The following FHAD1 variants were observed in gnomAD, a reference collection of about 807,000 sequenced individuals.
The protein encoded by FHAD1 is forkhead associated phosphopeptide binding domain 1, also known as forkhead-associated domain-containing protein 1.
A neutral mutation model predicts 191.3 loss-of-function variants in FHAD1; 146 were observed. The ratio of observed to expected loss-of-function variants is 0.76; its 90% CI spans 0.67 to 0.88. FHAD1 has a LOEUF of 0.88. Ranked by LOEUF, FHAD1 falls within the 40% of genes least tolerant of loss-of-function variation. The pLI is 0.00. For synonymous variants in FHAD1, 616 were observed against 672.3 expected, an observed-to-expected ratio of 0.92 and a Z score of 1.29; for missense variants, 1,635 against 1,785.8, an observed-to-expected ratio of 0.92 and a Z score of 1.52.
At chr1:15,309,616 T>A in intron 7 of FHAD1, among the ~76,000 whole-genome samples, 1 of 151,736 alleles carries the variant, frequency 6.6e-6, no homozygotes, top group East Asian at 1.9e-4. Context: ...CAGCTTTGAA[T>A]GAGGCTCGAC....
At chr1:15,269,843 G>T (rs1655128690) in intron 2 of FHAD1, among the ~76,000 whole-genome samples, 1 of 150,770 alleles carries the variant, frequency 6.6e-6, no homozygotes, top group Non-Finnish European at 1.5e-5. Context: ...GCACTCTGTT[G>T]TTAGGTGCAT....
intron 15 of FHAD1, among the ~76,000 whole-genome samples, chr1:15,341,185 A>AAAAAC (rs914869528): frequency 2.6e-5 from 4 of 152,186 alleles, no homozygotes; most frequent in African/African-American, 4.8e-5. Context: ...CCATCTCAAA[A>AAAAAC]AAAACAAAAC....
chr1:15,270,768 A>G (rs983370186), intron 2 of FHAD1, among the ~76,000 whole-genome samples: 10 of 152,044 alleles, frequency 6.6e-5, no homozygotes, highest in African/African-American at 2.4e-4. Flanking sequence ...TTGGCCGGGC[A>G]CGGTGGCTCA....
At chr1:15,260,600 G>C (rs534849850) in intron 2 of FHAD1, among the ~76,000 whole-genome samples, 1 of 152,300 alleles carries the variant, frequency 6.6e-6, no homozygotes, top group East Asian at 1.9e-4. Flanking sequence ...CGAGGCCTCT[G>C]TGTCCTCACT....
rs759035080 is a variant in FHAD1 at position 15,289,660 on chromosome 1, A to T, written c.562A>T (p.Lys188Ter). The T allele has an allele frequency of 6.5e-7, 1 of 1,547,844 alleles. No homozygotes were observed. The highest frequency in any genetic ancestry group is 2.5e-5 in the East Asian group (1 of 40,810). The change falls in exon 4 of 34, where the codon AAG becomes TAG. Residue 188 changes from lysine (K) to a stop codon, truncating the protein, a stop_gained. Coordinates refer to ENST00000688493, the MANE Select transcript of FHAD1 (RefSeq NM_001391957.1). LOFTEE classifies it high-confidence loss of function. This position sits in a 1 kb window ranked among gnomAD's most constrained non-coding sequence, Gnocchi z 4.2. ...VDDARKPPVIKQVWTNAMKLS... is the reference protein window; with the variant it reads ...VDDARKPPVI The stretch of plus-strand genomic sequence containing the variant: ...CGACGCCCGCAAGCCACCCGTCATC[A>T]AGCAAGGTATGCGTCAGGGCTGCCA...
chr1:15,320,224 G>A (rs1226224231), intron 10 of FHAD1, among the ~76,000 whole-genome samples: 2 of 152,132 alleles, frequency 1.3e-5, no homozygotes, highest in Non-Finnish European at 2.9e-5. Context: ...CATTTTCTGT[G>A]TAACTTCAAT....
chr1:15,270,153 T>C (rs1026359268), intron 2 of FHAD1, among the ~76,000 whole-genome samples: 8 of 152,060 alleles, frequency 5.3e-5, no homozygotes, highest in Non-Finnish European at 8.8e-5. Context: ...TCAGGGGATC[T>C]GCCCGCCCTG....
chr1:15,349,858 A>G (rs1033787567), intron 19 of FHAD1, among the ~76,000 whole-genome samples: 3 of 152,112 alleles, frequency 2.0e-5, no homozygotes, highest in African/African-American at 7.2e-5. Context: ...CCACCAACCT[A>G]GGGACCTGGC....
intron 32 of FHAD1, among the ~76,000 whole-genome samples, chr1:15,390,253 G>A (rs1054441581): frequency 1.3e-5 from 2 of 149,406 alleles, no homozygotes; most frequent in African/African-American, 4.9e-5. Flanking sequence ...GCTGAGGCAG[G>A]AGAATTGCTT....
chr1:15,381,772 G>A lies in FHAD1; in HGVS notation c.4023-256G>A, dbSNP rs181536416. On this transcript the variant is annotated intron_variant, in intron 30 of 33. Transcript: ENST00000688493. This position sits in a 1 kb window ranked among gnomAD's most constrained non-coding sequence, Gnocchi z 4.6. ...CAGCTCCGTCATATTTTCAAGAGTC[G>A]CAGTTCCCCACTCCCCAGGAAGTCA... Among the ~76,000 whole-genome samples the A allele has an allele frequency of 5.1e-4, 78 of 152,016 alleles. No individual in the cohort carries two copies. Among genetic ancestry groups the A allele is most frequent in the African/African-American group, 1.6e-3 (65 of 41,490 alleles).
chr1:15,352,976 C>G lies in FHAD1; in HGVS notation c.2554C>G (p.Gln852Glu). The change falls in exon 20 of 34, where the codon CAG becomes GAG. Residue 852 changes from glutamine to glutamate, a missense_variant. Transcript: ENST00000688493. ...AGACCTGGAGAATCGCTTAACCAAG[C>G]AGAAAGAGGTATGAGCCGCAGGGAG... ...VQDLENRLTKQKEELELKEQK... is the reference protein window; with the variant it reads ...VQDLENRLTKEKEELELKEQK... The G allele has an allele frequency of 6.4e-7, 1 of 1,550,456 alleles. No homozygotes were observed. The highest frequency in any genetic ancestry group is 8.7e-7 in the Non-Finnish European group (1 of 1,146,296).
chr1:15,360,960 G>A (rs770691268), intron 22 of FHAD1, among the ~76,000 whole-genome samples: 14 of 152,142 alleles, frequency 9.2e-5, no homozygotes, highest in African/African-American at 2.4e-4. Context: ...ACAGGCTACC[G>A]GGGCTGTCAG....
At chr1:15,309,690 G>T (rs933708933) in intron 7 of FHAD1, among the ~76,000 whole-genome samples, 65 of 150,150 alleles carry the variant, frequency 4.3e-4, no homozygotes, top group South Asian at 6.3e-4. Context: ...TTTTTTTTTA[G>T]CTCATCAGTT....
chr1:15,345,265 G>A (rs974819125), intron 17 of FHAD1, 75 bp downstream of exon 17: 20 of 1,407,826 alleles, frequency 1.4e-5, no homozygotes, highest in Middle Eastern at 1.8e-4. Context: ...GCTCTGGTCT[G>A]GGCCCGCCGG....
At chr1:15,337,946 C>T (rs1272548001) in intron 14 of FHAD1, among the ~76,000 whole-genome samples, 3 of 152,148 alleles carry the variant, frequency 2.0e-5, no homozygotes, top group Non-Finnish European at 2.9e-5. Context: ...TGGGGACCCA[C>T]TGGGCACATT....
At position 15,397,508 on chromosome 1, in the gene FHAD1, G is replaced by T. The variant is rs946111943; in HGVS notation, c.*95G>T. On this transcript the variant is annotated 3_prime_UTR_variant, in exon 34 of 34. Transcript: ENST00000688493. ...TCAAAATACTGAGTTGCTTTTGTAA[G>T]TCTTTAAAGATTGTTACCCTAGTGT... The T allele has an allele frequency of 9.4e-6, 5 of 530,536 alleles. No individual in the cohort carries two copies. Among genetic ancestry groups the T allele is most frequent in the African/African-American group, 7.7e-5 (4 of 51,850 alleles). 32.9% of individuals were successfully genotyped at this position (530,536 alleles called of 1,614,324 possible). A position where few individuals can be genotyped will look rare whatever the true frequency, so the allele number is the denominator to read the frequency against.
intron 12 of FHAD1, 89 bp from the exon 13 acceptor site, chr1:15,328,188 C>T: frequency 9.5e-7 from 1 of 1,053,474 alleles, no homozygotes; most frequent in East Asian, 2.8e-5. Flanking sequence ...AGTTGCATCT[C>T]TCCCCTCTCC....
Position 15,312,396 on chromosome 1 carries a change from C to T in FHAD1, c.1040-661C>T, listed in dbSNP as rs1263218072. On this transcript the variant is annotated intron_variant, in intron 7 of 33. Coordinates refer to ENST00000688493, the MANE Select transcript of FHAD1 (RefSeq NM_001391957.1). This position sits in a 1 kb window ranked among gnomAD's most constrained non-coding sequence, Gnocchi z 4.7. ...CTAAGCTAGGCTGGGCATTGTGGCTCACATCTGTAATCCCAGCACTTTGGG... is the reference window on the plus strand; with the variant it reads ...CTAAGCTAGGCTGGGCATTGTGGCTTACATCTGTAATCCCAGCACTTTGGG... Among the ~76,000 whole-genome samples the T allele has an allele frequency of 6.6e-6, 1 of 152,188 alleles. No individual in the cohort carries two copies. Among genetic ancestry groups the T allele is most frequent in the Non-Finnish European group, 1.5e-5 (1 of 68,038 alleles).
At chr1:15,364,859 A>G (rs1273842881) in intron 23 of FHAD1, among the ~76,000 whole-genome samples, 1 of 152,074 alleles carries the variant, frequency 6.6e-6, no homozygotes, top group Non-Finnish European at 1.5e-5. Flanking sequence ...CTCCCCTGCC[A>G]TTCCTGCTGG....
Sources: allele counts gnomAD v4.1 joint callset (sites outside exome capture counted in the v4.1 genomes callset), GRCh38; gene constraint gnomAD v4.1.1; non-coding constraint Gnocchi (gnomAD v3.1); transcripts MANE v1.5; gene names NCBI Gene and HGNC (gene_info 2026-07-23, HGNC 2026-07-21).